MSI2: variants seen among roughly 807,000 people sequenced by gnomAD.
The protein encoded by MSI2 is musashi RNA binding protein 2.
A neutral mutation model predicts 45.6 loss-of-function variants in MSI2; 17 were observed. The ratio of observed to expected loss-of-function variants is 0.37; its 90% CI spans 0.26 to 0.56. MSI2 has a LOEUF of 0.56. Among genes scored for constraint, MSI2 ranks in the 20% least tolerant of loss-of-function variants. The pLI, the probability that MSI2 is intolerant of heterozygous loss-of-function variation, is 0.77. For missense variants in MSI2, 293 were observed against 444.2 expected, an observed-to-expected ratio of 0.66 and a Z score of 3.06; for synonymous variants, 156 against 158.2, an observed-to-expected ratio of 0.99 and a Z score of 0.11.
At chr17:57,512,858 A>G (rs942122875) in intron 6 of MSI2, among the ~76,000 whole-genome samples, 2 of 152,164 alleles carry the variant, frequency 1.3e-5, no homozygotes, top group African/African-American at 4.8e-5. Context: ...GTCCTCAGAC[A>G]TGAACAATAC....
chr17:57,513,827 G>A (rs555386927), intron 6 of MSI2, among the ~76,000 whole-genome samples: 16 of 152,204 alleles, frequency 1.1e-4, no homozygotes, highest in Non-Finnish European at 2.1e-4. Context: ...AATTCCTATC[G>A]TTCTTAGAAA....
At chr17:57,330,418 G>A (rs1022812502) in intron 5 of MSI2, among the ~76,000 whole-genome samples, 3 of 151,538 alleles carry the variant, frequency 2.0e-5, no homozygotes, top group Admixed American at 1.3e-4. Flanking sequence ...CCTAGTAACC[G>A]GGATTACAGG....
In MSI2 at chr17:57,603,534, C is replaced by T. The variant is rs113685942; in HGVS notation, c.537+6584C>T. Among the ~76,000 whole-genome samples, 94 of 152,320 alleles carry T rather than the reference C, an allele frequency of 6.2e-4. 2 individuals are homozygous for T. Among genetic ancestry groups the T allele is most frequent in the African/African-American group, 2.1e-3 (89 of 41,560 alleles). On this transcript the variant is annotated intron_variant, in intron 8 of 13. Transcript: ENST00000284073. ...GCTCTGCTTTGATACCTGGAGGTCTCGGCCTGTTCTGTTGTAGGGTATGTA... is the reference window on the plus strand; with the variant it reads ...GCTCTGCTTTGATACCTGGAGGTCTTGGCCTGTTCTGTTGTAGGGTATGTA...
intron 7 of MSI2, among the ~76,000 whole-genome samples, chr17:57,584,136 C>T (rs553499882): frequency 6.6e-6 from 1 of 152,276 alleles, no homozygotes; most frequent in African/African-American, 2.4e-5. Flanking sequence ...AGCCTCCTCA[C>T]CTCATTCCTC....
chr17:57,434,713 C>T (rs2084660210), intron 6 of MSI2, among the ~76,000 whole-genome samples: 1 of 152,102 alleles, frequency 6.6e-6, no homozygotes, highest in Non-Finnish European at 1.5e-5. Flanking sequence ...TAGGTTCATC[C>T]ATGTTGTTTC....
chr17:57,669,875 T>G (rs570815724), intron 11 of MSI2, among the ~76,000 whole-genome samples: 1 of 152,224 alleles, frequency 6.6e-6, no homozygotes, highest in Admixed American at 6.5e-5. Context: ...CTCCCGGAAA[T>G]GTACCAGGGG....
At chr17:57,356,984 C>A (rs766611694) in intron 5 of MSI2, among the ~76,000 whole-genome samples, 5 of 152,114 alleles carry the variant, frequency 3.3e-5, no homozygotes, top group African/African-American at 9.7e-5. Context: ...CCGGTTGAGA[C>A]GCTCCAACAT....
chr17:57,503,118 C>A (rs1015585445), intron 6 of MSI2, among the ~76,000 whole-genome samples: 2 of 152,132 alleles, frequency 1.3e-5, no homozygotes, highest in Non-Finnish European at 2.9e-5. Flanking sequence ...GTTGGCTTTT[C>A]CCAAGCTGTC....
chr17:57,604,274 C>T (rs1186518867), intron 8 of MSI2, among the ~76,000 whole-genome samples: 5 of 152,172 alleles, frequency 3.3e-5, no homozygotes, highest in African/African-American at 7.2e-5. Flanking sequence ...GGCCATGGCA[C>T]GCTCTCTATC....
intron 5 of MSI2, among the ~76,000 whole-genome samples, chr17:57,346,016 A>G (rs888697820): frequency 2.6e-5 from 4 of 152,184 alleles, no homozygotes; most frequent in Admixed American, 2.0e-4. Context: ...AGACGGAGAA[A>G]GAGAAGGTGA....
chr17:57,536,357 CAAG>C (rs767151484), intron 7 of MSI2, among the ~76,000 whole-genome samples: 3 of 152,146 alleles, frequency 2.0e-5, no homozygotes, highest in Non-Finnish European at 4.4e-5. Context: ...GGGCACAGTC[CAAG>C]AAGAAGGGTT....
At chr17:57,575,120 G>A (rs956427507) in intron 7 of MSI2, among the ~76,000 whole-genome samples, 105 of 151,388 alleles carry the variant, frequency 6.9e-4, no homozygotes, top group South Asian at 1.0e-3. Flanking sequence ...GTGAGCCACT[G>A]TGCCCGGCCG....
At chr17:57,292,637 A>C (rs979911175) in intron 5 of MSI2, among the ~76,000 whole-genome samples, 1 of 152,110 alleles carries the variant, frequency 6.6e-6, no homozygotes, top group Non-Finnish European at 1.5e-5. Context: ...CTGTGACTGA[A>C]ACCAGGTCCC....
intron 6 of MSI2, among the ~76,000 whole-genome samples, chr17:57,459,444 A>G (rs1401341896): frequency 6.6e-6 from 1 of 152,188 alleles, no homozygotes; most frequent in Non-Finnish European, 1.5e-5. Flanking sequence ...CTCTTCTGAC[A>G]TCAGAATGGT....
chr17:57,299,448 C>T (rs1187132287), intron 5 of MSI2, among the ~76,000 whole-genome samples: 1 of 152,122 alleles, frequency 6.6e-6, no homozygotes, highest in Non-Finnish European at 1.5e-5. Flanking sequence ...CCTCCTTTCA[C>T]GTGAACACAT....
intron 11 of MSI2, among the ~76,000 whole-genome samples, chr17:57,662,766 G>A (rs990135699): frequency 1.2e-4 from 18 of 152,232 alleles, no homozygotes; most frequent in Admixed American, 9.2e-4. Context: ...GGCCTCAGGA[G>A]GCGGTATAAG....
At chr17:57,457,797 T>G (rs2085144251) in intron 6 of MSI2, among the ~76,000 whole-genome samples, 1 of 152,016 alleles carries the variant, frequency 6.6e-6, no homozygotes, top group Non-Finnish European at 1.5e-5. Context: ...TAGTCTTAGC[T>G]ACTCAGGTGG....
At chr17:57,416,311 T>A (rs2084293244) in intron 6 of MSI2, among the ~76,000 whole-genome samples, 1 of 152,224 alleles carries the variant, frequency 6.6e-6, no homozygotes, top group Non-Finnish European at 1.5e-5. Flanking sequence ...AAGGCAGCTT[T>A]AAAAAGCTAA....
At chr17:57,370,715 C>G (rs968330362) in intron 5 of MSI2, among the ~76,000 whole-genome samples, 2 of 152,194 alleles carry the variant, frequency 1.3e-5, no homozygotes, top group Non-Finnish European at 2.9e-5. Context: ...TCTAACCTGA[C>G]TGGGCCCAGG....
Sources: allele counts gnomAD v4.1 joint callset (sites outside exome capture counted in the v4.1 genomes callset), GRCh38; gene constraint gnomAD v4.1.1; transcripts MANE v1.5; gene names NCBI Gene and HGNC (gene_info 2026-07-23, HGNC 2026-07-21).